Variants in MYOM1 observed in about 807,000 individuals in gnomAD.
The protein encoded by MYOM1 is myomesin 1.
A neutral mutation model predicts 205.3 loss-of-function variants in MYOM1; 164 were observed. The observed-to-expected ratio is 0.80, with a 90% CI of 0.70 to 0.91. The LOEUF is 0.91. Ranked by LOEUF, MYOM1 falls within the 40% of genes least tolerant of loss-of-function variation. MYOM1 has a pLI of 0.00. For missense variants in MYOM1, 2,011 were observed against 2,127.3 expected, an observed-to-expected ratio of 0.95 and a Z score of 1.08; for synonymous variants, 772 against 789.4, an observed-to-expected ratio of 0.98 and a Z score of 0.37.
At chr18:3,102,438 A>G in intron 23 of MYOM1, 36 bp downstream of exon 23, 1 of 1,560,702 alleles carries the variant, frequency 6.4e-7, no homozygotes, top group African/African-American at 1.4e-5. Context: ...CTACAGTGAA[A>G]AGGAAACCCA....
rs768852140 is a variant in MYOM1 at position 3,112,274 on chromosome 18, T to C, written c.3418+24A>G. Reference sequence around the variant, plus strand: ...AGTATCTTACACAGATAGGATTAGTTTTAATGAAAAGGTGAAAGCCCACCT... The same window carrying C: ...AGTATCTTACACAGATAGGATTAGTCTTAATGAAAAGGTGAAAGCCCACCT... On this transcript the variant is annotated intron_variant, in intron 22 of 37. Transcript: ENST00000356443. 4 of 1,602,124 alleles carry C rather than the reference T, an allele frequency of 2.5e-6. No homozygotes were observed. In the Admixed American group the frequency reaches 5.0e-5, roughly 20 times the overall value.
intron 22 of MYOM1, among the ~76,000 whole-genome samples, chr18:3,109,325 C>T (rs990018903): frequency 2.2e-4 from 33 of 152,156 alleles, no homozygotes; most frequent in African/African-American, 7.7e-4. Flanking sequence ...CTGAGGTTTT[C>T]CAGAGCTGAG....
chr18:3,148,616 GA>G (rs1191870130), intron 13 of MYOM1, among the ~76,000 whole-genome samples: 1 of 152,058 alleles, frequency 6.6e-6, no homozygotes, highest in Admixed American at 6.6e-5. Flanking sequence ...GGGAGGCCGA[GA>G]CGGGCGGATC....
intron 25 of MYOM1, among the ~76,000 whole-genome samples, chr18:3,095,099 G>A (rs548608884): frequency 6.6e-6 from 1 of 152,120 alleles, no homozygotes. Flanking sequence ...TCACTACCAA[G>A]TTCAGTGTGA....
At chr18:3,187,694 A>G in intron 4 of MYOM1, 57 bp from the exon 5 acceptor site, 1 of 1,466,524 alleles carries the variant, frequency 6.8e-7, no homozygotes, top group Non-Finnish European at 9.2e-7. Context: ...AATCAAAGTG[A>G]ATTTTGGTGC....
chr18:3,192,971 T>A (rs943893440), intron 3 of MYOM1, among the ~76,000 whole-genome samples: 1 of 152,084 alleles, frequency 6.6e-6, no homozygotes, highest in African/African-American at 2.4e-5. Context: ...TGGGTTTTTT[T>A]TTAAAAGTTC....
chr18:3,231,847 CTTT>C, the MYOM1 span, among the ~76,000 whole-genome samples: 15,502 of 123,672 alleles, frequency 0.13, 1,041 homozygotes, highest in East Asian at 0.32. Context: ...CAGCCGCATC[CTTT>C]TTTTTTTTTT....
At chr18:3,245,048 C>T in the MYOM1 span, among the ~76,000 whole-genome samples, 2 of 151,852 alleles carry the variant, frequency 1.3e-5, no homozygotes, top group Non-Finnish European at 1.5e-5. Context: ...AGGATGAGGG[C>T]CTTCAATCGA....
intron 13 of MYOM1, among the ~76,000 whole-genome samples, chr18:3,142,374 A>G (rs529513915): frequency 1.2e-3 from 185 of 151,858 alleles, no homozygotes; most frequent in African/African-American, 4.2e-3. Context: ...TGATCCTCCC[A>G]CCTCAGCCTT....
At chr18:3,081,401 C>T (rs2079085026) in intron 33 of MYOM1, among the ~76,000 whole-genome samples, 1 of 152,136 alleles carries the variant, frequency 6.6e-6, no homozygotes. Flanking sequence ...CCCCTCTATG[C>T]CACATACAGA....
rs531297531 is a variant in MYOM1, at chr18:3,189,326, C to A, written c.432-239G>T. Among the ~76,000 whole-genome samples, 1 of 151,670 alleles carries A rather than the reference C, an allele frequency of 6.6e-6. No homozygotes were observed. Among genetic ancestry groups the A allele is most frequent in the South Asian group, 2.1e-4 (1 of 4,792 alleles). On this transcript the variant is annotated intron_variant, in intron 3 of 37. Coordinates refer to ENST00000356443, the MANE Select transcript of MYOM1 (RefSeq NM_003803.4). This position sits in a 1 kb window ranked among gnomAD's most constrained non-coding sequence, Gnocchi z 4.8. The stretch of plus-strand genomic sequence containing the variant: ...CCCTGGTGCTTTTCACATACACTAT[C>A]TTGTTTCATCCCCTTACAAACCCTA...
Position 3,067,137 on chromosome 18 carries a change from C to T in MYOM1, c.*125G>A. On this transcript the variant is annotated 3_prime_UTR_variant, in exon 38 of 38. Transcript: ENST00000356443. ...GTGCTTTTTTATATGAGTGAAAGAC[C>T]TGACATTATTTTCCCCTCAAGCCAG... is the stretch of plus-strand genomic sequence containing the variant. The T allele has an allele frequency of 9.5e-7, 1 of 1,054,014 alleles. No homozygotes were observed. Among genetic ancestry groups the T allele is most frequent in the South Asian group, 1.8e-5 (1 of 57,124 alleles). 65.3% of individuals were successfully genotyped at this position (1,054,014 alleles called of 1,614,324 possible).
rs941008120 is a variant in MYOM1, at chr18:3,180,000, A to G, written c.930-3866T>C. ...CTCATATCTCTATAAAATTTTCATT[A>G]CAAAGTATTCTGCAGGTCAGCAGTG... On this transcript the variant is annotated intron_variant, in intron 5 of 37. Coordinates refer to ENST00000356443, the MANE Select transcript of MYOM1 (RefSeq NM_003803.4). The surrounding 1 kb of genome is among the most constrained non-coding windows in gnomAD (Gnocchi z 4.4). Among the ~76,000 whole-genome samples the G allele has an allele frequency of 2.0e-5, 3 of 152,166 alleles. No homozygotes were observed. The highest frequency in any genetic ancestry group is 7.2e-5 in the African/African-American group (3 of 41,434).
chr18:3,103,889 A>G (rs932771992), intron 22 of MYOM1, among the ~76,000 whole-genome samples: 3 of 152,258 alleles, frequency 2.0e-5, no homozygotes, highest in Non-Finnish European at 4.4e-5. Flanking sequence ...CTTCAACTAT[A>G]AACTTCCAAA....
intron 37 of MYOM1, among the ~76,000 whole-genome samples, chr18:3,070,064 T>G (rs2078942074): frequency 6.6e-6 from 1 of 152,216 alleles, no homozygotes; most frequent in Non-Finnish European, 1.5e-5. Context: ...CTGTATGTCT[T>G]CACTGCCCTT....
At chr18:3,132,209 T>C (rs998469859) in intron 16 of MYOM1, among the ~76,000 whole-genome samples, 5 of 151,232 alleles carry the variant, frequency 3.3e-5, no homozygotes, top group Non-Finnish European at 7.4e-5. Flanking sequence ...TGGAGTGCAG[T>C]AGTGCAATCT....
intron 23 of MYOM1, 22 bp downstream of exon 23, chr18:3,102,452 T>C: frequency 1.3e-6 from 2 of 1,577,320 alleles, no homozygotes; most frequent in Non-Finnish European, 1.7e-6. Flanking sequence ...AAACCCATGA[T>C]TGTGATTGAC....
intron 2 of MYOM1, among the ~76,000 whole-genome samples, chr18:3,199,515 T>C (rs964152923): frequency 6.6e-6 from 1 of 152,196 alleles, no homozygotes; most frequent in Non-Finnish European, 1.5e-5. Context: ...CAAGAGAGCC[T>C]GGAATTAAGC....
chr18:3,116,942 G>A (rs1394853009), intron 20 of MYOM1, among the ~76,000 whole-genome samples: 2 of 151,964 alleles, frequency 1.3e-5, no homozygotes. Flanking sequence ...CTGTAACCTC[G>A]AGCTCCTGGG....
Sources: gnomAD v4.1 joint callset for allele counts (sites outside exome capture counted in the v4.1 genomes callset) on GRCh38, gnomAD v4.1.1 for gene constraint, Gnocchi (gnomAD v3.1) non-coding constraint, MANE v1.5 for transcripts, NCBI Gene and HGNC (gene_info 2026-07-23, HGNC 2026-07-21) for gene names.